OR6N1: variants seen among roughly 807,000 people sequenced by gnomAD.
OR6N1 encodes olfactory receptor family 6 subfamily N member 1.
For synonymous variants in OR6N1, 170 were observed against 150.7 expected (o/e 1.13, Z -0.94); for missense variants, 394 against 371.7 (o/e 1.06, Z -0.49).
At chr1:158,822,630 C>T in the OR6N1 span, among the ~76,000 whole-genome samples, 6 of 152,206 alleles carry the variant, frequency 3.9e-5, 1 homozygote, top group South Asian at 4.1e-4. Flanking sequence ...TGGTTCTCTA[C>T]GTATACAATC....
the OR6N1 span, among the ~76,000 whole-genome samples, chr1:158,780,115 G>A: frequency 3.3e-5 from 5 of 152,100 alleles, no homozygotes; most frequent in South Asian, 2.1e-4. Context: ...TAAACTTAGC[G>A]TCTCACATTT....
chr1:158,772,878 T>C (rs1233333243), upstream of OR6N1, among the ~76,000 whole-genome samples: 1 of 152,202 alleles, frequency 6.6e-6, no homozygotes, highest in Non-Finnish European at 1.5e-5. Context: ...GTACTATATG[T>C]GAGGTGATAA....
chr1:158,771,755 G>A (rs941880132), intron 1 of OR6N1, among the ~76,000 whole-genome samples: 1 of 151,992 alleles, frequency 6.6e-6, no homozygotes, highest in Non-Finnish European at 1.5e-5. Context: ...ACAAAAACTG[G>A]GATCCAGAAA....
the OR6N1 span, chr1:158,777,205 A>T: frequency 1.9e-6 from 3 of 1,614,144 alleles, no homozygotes; most frequent in Non-Finnish European, 2.5e-6. Context: ...AGCAGCAGCC[A>T]TCTTGGCACA....
chr1:158,792,900 T>G, the OR6N1 span, among the ~76,000 whole-genome samples: 1 of 152,198 alleles, frequency 6.6e-6, no homozygotes, highest in South Asian at 2.1e-4. Flanking sequence ...TTCTTCCACT[T>G]CAGAAACACC....
At chr1:158,837,645 A>G in the OR6N1 span, among the ~76,000 whole-genome samples, 1 of 151,748 alleles carries the variant, frequency 6.6e-6, no homozygotes, top group Non-Finnish European at 1.5e-5. Context: ...CTGTTTTTAA[A>G]TTCATTGTGA....
the OR6N1 span, among the ~76,000 whole-genome samples, chr1:158,822,800 A>G: frequency 6.6e-6 from 1 of 152,106 alleles, no homozygotes; most frequent in Non-Finnish European, 1.5e-5. Context: ...TTTCAAAGGG[A>G]ATGCTTCCAG....
the OR6N1 span, chr1:158,777,226 G>A: frequency 1.9e-6 from 3 of 1,614,132 alleles, no homozygotes; most frequent in Non-Finnish European, 2.5e-6. Flanking sequence ...GAGTGTGGTG[G>A]TCATAATTAT....
In OR6N1 at chr1:158,765,735, A is replaced by T. The variant is rs1241496637; in HGVS notation, c.*9T>A. ...TCAGGCCCGGCCTTGGCCTACTCTCAGCCCCAACTCATGCCAATATCCCAA... is the reference window on the plus strand; with the variant it reads ...TCAGGCCCGGCCTTGGCCTACTCTCTGCCCCAACTCATGCCAATATCCCAA... On this transcript the variant is annotated 3_prime_UTR_variant, in exon 2 of 2. Transcript: ENST00000641846. The T allele has an allele frequency of 6.2e-7, 1 of 1,604,350 alleles. No individual in the cohort carries two copies. Among genetic ancestry groups the T allele is most frequent in the South Asian group, 1.1e-5 (1 of 90,600 alleles).
At chr1:158,789,738 C>A in the OR6N1 span, among the ~76,000 whole-genome samples, 19 of 152,110 alleles carry the variant, frequency 1.2e-4, no homozygotes, top group Non-Finnish European at 1.0e-4. Flanking sequence ...TGGTCATTAA[C>A]CCTTTGTCAG....
At chr1:158,789,458 A>G in the OR6N1 span, among the ~76,000 whole-genome samples, 1 of 152,150 alleles carries the variant, frequency 6.6e-6, no homozygotes, top group South Asian at 2.1e-4. Context: ...ATTCTCACCA[A>G]CAGCCTATGA....
At chr1:158,767,668 T>C (rs1212845491) in intron 1 of OR6N1, among the ~76,000 whole-genome samples, 1 of 152,198 alleles carries the variant, frequency 6.6e-6, no homozygotes, top group Non-Finnish European at 1.5e-5. Flanking sequence ...ACTCTATCAA[T>C]GTAAAAACAT....
At chr1:158,838,097 T>C in the OR6N1 span, among the ~76,000 whole-genome samples, 1 of 151,990 alleles carries the variant, frequency 6.6e-6, no homozygotes, top group African/African-American at 2.4e-5. Flanking sequence ...TTTTAAATCC[T>C]ATAAAATAAT....
the OR6N1 span, among the ~76,000 whole-genome samples, chr1:158,779,712 G>A: frequency 1.3e-5 from 2 of 152,118 alleles, no homozygotes; most frequent in East Asian, 1.9e-4. Flanking sequence ...CATTTCCTTT[G>A]CTTCTAAGTC....
At chr1:158,802,805 C>T in the OR6N1 span, among the ~76,000 whole-genome samples, 1 of 152,156 alleles carries the variant, frequency 6.6e-6, no homozygotes, top group Admixed American at 6.5e-5. Context: ...TTATCACTAC[C>T]ATTATTATTA....
the OR6N1 span, among the ~76,000 whole-genome samples, chr1:158,781,490 T>C: frequency 6.6e-6 from 1 of 152,194 alleles, no homozygotes; most frequent in African/African-American, 2.4e-5. Flanking sequence ...TATTCCCTCA[T>C]CACCAGTGAC....
the OR6N1 span, among the ~76,000 whole-genome samples, chr1:158,820,837 C>A: frequency 3.9e-5 from 6 of 152,074 alleles, no homozygotes; most frequent in African/African-American, 1.4e-4. Flanking sequence ...GCTGTTTTGG[C>A]CATGGCCTGG....
At chr1:158,785,122 T>C in the OR6N1 span, among the ~76,000 whole-genome samples, 2 of 152,192 alleles carry the variant, frequency 1.3e-5, no homozygotes, top group Non-Finnish European at 2.9e-5. Context: ...CATATTCAGT[T>C]CACTTAATGA....
chr1:158,816,168 A>G, the OR6N1 span, among the ~76,000 whole-genome samples: 4 of 152,096 alleles, frequency 2.6e-5, no homozygotes, highest in African/African-American at 7.2e-5. Flanking sequence ...AAAAAAAAAA[A>G]AAAAGAATAT....
Sources: gnomAD v4.1 joint callset for allele counts (sites outside exome capture counted in the v4.1 genomes callset) on GRCh38, gnomAD v4.1.1 for gene constraint, MANE v1.5 for transcripts, NCBI Gene and HGNC (gene_info 2026-07-23, HGNC 2026-07-21) for gene names.